The following VAT1L variants were observed in gnomAD, a reference collection of about 807,000 sequenced individuals.
VAT1L encodes the protein vesicle amine transport 1 like.
VAT1L carries 34 observed loss-of-function variants against 44.1 expected under a neutral mutation model. The ratio of observed to expected loss-of-function variants is 0.77; its 90% CI spans 0.59 to 1.03. VAT1L has a LOEUF of 1.03. Ranked by LOEUF, VAT1L falls within the 50% of genes least tolerant of loss-of-function variation. The pLI, the probability that VAT1L is intolerant of heterozygous loss-of-function variation, is 0.00. For synonymous variants in VAT1L, 253 were observed against 202.2 expected, an observed-to-expected ratio of 1.25 and a Z score of -2.13; for missense variants, 615 against 538.8, an observed-to-expected ratio of 1.14 and a Z score of -1.40.
At chr16:77,922,616 A>C (rs562821375) in intron 7 of VAT1L, among the ~76,000 whole-genome samples, 6 of 152,294 alleles carry the variant, frequency 3.9e-5, no homozygotes, top group African/African-American at 9.6e-5. Context: ...AGAAGTAGGG[A>C]AACAGCCTCG....
chr16:77,959,351 A>G (rs115289585), intron 7 of VAT1L, among the ~76,000 whole-genome samples: 266 of 152,368 alleles, frequency 1.7e-3, no homozygotes, highest in African/African-American at 6.1e-3. Context: ...GAAATTCCAG[A>G]TCTCAAGCCT....
At chr16:77,911,739 A>C (rs1055924610) in intron 7 of VAT1L, among the ~76,000 whole-genome samples, 1 of 152,086 alleles carries the variant, frequency 6.6e-6, no homozygotes, top group African/African-American at 2.4e-5. Context: ...AGGCACCCCA[A>C]GGGGATGGAT....
At chr16:77,898,210 C>T (rs1055086152) in intron 7 of VAT1L, among the ~76,000 whole-genome samples, 2 of 152,172 alleles carry the variant, frequency 1.3e-5, no homozygotes, top group African/African-American at 4.8e-5. Context: ...TTAGGGCCCA[C>T]CCTACTTCAG....
At chr16:77,798,690 A>G (rs754182404) in intron 1 of VAT1L, among the ~76,000 whole-genome samples, 3 of 152,176 alleles carry the variant, frequency 2.0e-5, no homozygotes, top group Non-Finnish European at 4.4e-5. Flanking sequence ...CAAAGACCAC[A>G]AAACCCTGAC....
chr16:77,895,012 C>T (rs948110914), intron 7 of VAT1L, among the ~76,000 whole-genome samples: 3 of 151,944 alleles, frequency 2.0e-5, no homozygotes, highest in Admixed American at 6.6e-5. Context: ...TAGGTCCCTA[C>T]ACTTCATTTT....
At chr16:77,893,118 TAAC>T (rs1239253394) in intron 7 of VAT1L, among the ~76,000 whole-genome samples, 2 of 152,092 alleles carry the variant, frequency 1.3e-5, no homozygotes, top group East Asian at 1.9e-4. Flanking sequence ...AAAAACTAAA[TAAC>T]AACAACAAAA....
chr16:77,964,211 C>T (rs1209148924), intron 7 of VAT1L, among the ~76,000 whole-genome samples: 4 of 152,120 alleles, frequency 2.6e-5, no homozygotes, highest in Non-Finnish European at 5.9e-5. Context: ...CCATCACCTC[C>T]TTAAACCCAC....
In VAT1L at chr16:77,867,246, C is replaced by G. The variant is rs139350612; in HGVS notation, c.722+4356C>G. Among the ~76,000 whole-genome samples the G allele has an allele frequency of 6.9e-4, 105 of 152,230 alleles. 2 individuals are homozygous for G. In the East Asian group the frequency reaches 0.017, roughly 25 times the overall value. On this transcript the variant is annotated intron_variant, in intron 4 of 8. Transcript: ENST00000302536. ...CTCAAGGAAACTTTTGGGCGTGAAGCATATGTTCATTACGTGGACGGTGAT... is the reference window on the plus strand; with the variant it reads ...CTCAAGGAAACTTTTGGGCGTGAAGGATATGTTCATTACGTGGACGGTGAT...
chr16:77,856,001 G>A (rs12447323), intron 3 of VAT1L, among the ~76,000 whole-genome samples: 51,221 of 151,882 alleles, frequency 0.34, 8,983 homozygotes, highest in Admixed American at 0.4. Context: ...GGCAACAGAG[G>A]AAGACTCCGT....
intron 7 of VAT1L, among the ~76,000 whole-genome samples, chr16:77,945,447 C>T (rs1370139576): frequency 6.6e-6 from 1 of 151,650 alleles, no homozygotes; most frequent in Non-Finnish European, 1.5e-5. Flanking sequence ...CCATCATGCC[C>T]ATGTAATTTT....
intron 7 of VAT1L, among the ~76,000 whole-genome samples, chr16:77,950,501 GAT>G (rs1406796272): frequency 1.3e-5 from 2 of 150,660 alleles, no homozygotes; most frequent in African/African-American, 4.9e-5. Flanking sequence ...CTATTACTCA[GAT>G]ATAGCCAAGG....
At chr16:77,957,184 G>A (rs1220771478) in intron 7 of VAT1L, among the ~76,000 whole-genome samples, 1 of 152,096 alleles carries the variant, frequency 6.6e-6, no homozygotes. Context: ...AGGTTTTGAA[G>A]GGTCTTTGGA....
chr16:77,854,145 T>A (rs1179044134), intron 3 of VAT1L, among the ~76,000 whole-genome samples: 1 of 151,160 alleles, frequency 6.6e-6, no homozygotes, highest in Non-Finnish European at 1.5e-5. Context: ...AAAAAAAAAA[T>A]TGCCCATACT....
chr16:77,964,511 C>G (rs1164352255), intron 7 of VAT1L, among the ~76,000 whole-genome samples: 1 of 152,192 alleles, frequency 6.6e-6, no homozygotes, highest in Non-Finnish European at 1.5e-5. Flanking sequence ...CTTCCTCTTG[C>G]AAGAATCGTT....
intron 4 of VAT1L, 147 bp downstream of exon 4, chr16:77,863,037 C>A: frequency 1.0e-6 from 1 of 980,828 alleles, no homozygotes; most frequent in Non-Finnish European, 1.5e-6. Context: ...CCAAATATTT[C>A]ACACGCATTA....
intron 7 of VAT1L, among the ~76,000 whole-genome samples, chr16:77,955,641 C>G (rs1453907407): frequency 6.6e-6 from 1 of 151,262 alleles, no homozygotes; most frequent in African/African-American, 2.4e-5. Context: ...GGGAGAATCT[C>G]TTGAACCTGG....
At chr16:77,975,082 AG>A (rs1180733831) in intron 8 of VAT1L, among the ~76,000 whole-genome samples, 7 of 151,580 alleles carry the variant, frequency 4.6e-5, no homozygotes, top group Non-Finnish European at 1.0e-4. Context: ...CTGACAGAAG[AG>A]GAAACAACTC....
At chr16:77,921,038 A>C (rs934487188) in intron 7 of VAT1L, among the ~76,000 whole-genome samples, 2 of 152,168 alleles carry the variant, frequency 1.3e-5, no homozygotes, top group African/African-American at 4.8e-5. Flanking sequence ...ATTTCATTAG[A>C]TCAGCAGTGG....
intron 7 of VAT1L, among the ~76,000 whole-genome samples, chr16:77,912,161 TAA>T (rs2017505809): frequency 6.6e-6 from 1 of 152,152 alleles, no homozygotes; most frequent in South Asian, 2.1e-4. Flanking sequence ...AAGCCTGAGT[TAA>T]AGTCCTGACT....
Sources: gnomAD v4.1 joint callset for allele counts (sites outside exome capture counted in the v4.1 genomes callset) on GRCh38, gnomAD v4.1.1 for gene constraint, MANE v1.5 for transcripts, NCBI Gene and HGNC (gene_info 2026-07-23, HGNC 2026-07-21) for gene names.